IGFBP7: variants seen among roughly 807,000 people sequenced by gnomAD.
IGFBP7 encodes insulin like growth factor binding protein 7.
A neutral mutation model predicts 29.4 loss-of-function variants in IGFBP7; 31 were observed. The observed-to-expected ratio is 1.05, with a 90% CI of 0.79 to 1.42. The LOEUF (loss-of-function observed/expected upper bound fraction) is 1.42, where lower values mean the gene tolerates loss of function less well. Ranked by LOEUF, IGFBP7 falls within the 40% of genes most tolerant of loss-of-function variation. IGFBP7 has a pLI of 0.00. For synonymous variants in IGFBP7, 172 were observed against 174.9 expected (o/e 0.98, Z 0.13); for missense variants, 393 against 395.5 (o/e 0.99, Z 0.05).
In IGFBP7 at chr4:57,090,680, T is replaced by C. The variant is rs1432107361; in HGVS notation, c.475+19197A>G. On this transcript the variant is annotated intron_variant, in intron 1 of 4. Transcript: ENST00000295666. ...GGTGAAACCCCGTCTCTACTAAAAA[T>C]ACCCATACACACACAAAAATAGCCA... is the stretch of plus-strand genomic sequence containing the variant. 1.1e-4 allele frequency among the ~76,000 whole-genome samples: 17 copies of C among 152,004 alleles called. 1 individual carries two copies. Among genetic ancestry groups the C allele is most frequent in the Admixed American group, 1.1e-3 (17 of 15,240 alleles).
chr4:57,100,614 T>C (rs1725874872), intron 1 of IGFBP7, among the ~76,000 whole-genome samples: 1 of 152,242 alleles, frequency 6.6e-6, no homozygotes, highest in African/African-American at 2.4e-5. Context: ...GACACAAATA[T>C]ATCATATAAC....
At chr4:57,050,828 G>A (rs1724487323) in intron 1 of IGFBP7, among the ~76,000 whole-genome samples, 1 of 152,012 alleles carries the variant, frequency 6.6e-6, no homozygotes, top group South Asian at 2.1e-4. Flanking sequence ...AAAGTGCTGG[G>A]GTTACAGGCA....
At chr4:57,094,705 C>T (rs1440097969) in intron 1 of IGFBP7, among the ~76,000 whole-genome samples, 6 of 152,186 alleles carry the variant, frequency 3.9e-5, no homozygotes, top group Non-Finnish European at 5.9e-5. Context: ...ATAAAGGAAG[C>T]GTCACCCACA....
chr4:57,103,339 G>A (rs1725942866), intron 1 of IGFBP7, among the ~76,000 whole-genome samples: 1 of 152,124 alleles, frequency 6.6e-6, no homozygotes, highest in African/African-American at 2.4e-5. Flanking sequence ...GCTCCTTAAG[G>A]GGTCACAGGC....
intron 1 of IGFBP7, among the ~76,000 whole-genome samples, chr4:57,092,442 C>T (rs1257525689): frequency 6.6e-6 from 1 of 152,088 alleles, no homozygotes; most frequent in Non-Finnish European, 1.5e-5. Flanking sequence ...TGGCTAGTAA[C>T]TGCAAATTTT....
chr4:57,046,511 T>A (rs755052121), intron 1 of IGFBP7, among the ~76,000 whole-genome samples: 10 of 152,138 alleles, frequency 6.6e-5, no homozygotes, highest in Non-Finnish European at 1.3e-4. Flanking sequence ...TCAAAATCAG[T>A]CCTCAAGGCC....
intron 1 of IGFBP7, among the ~76,000 whole-genome samples, chr4:57,073,873 G>C (rs770363974): frequency 9.2e-5 from 14 of 152,200 alleles, no homozygotes; most frequent in Non-Finnish European, 1.8e-4. Flanking sequence ...GGAGTTGATC[G>C]GGAGTGATCA....
chr4:57,062,512 G>A (rs1315679985), intron 1 of IGFBP7, among the ~76,000 whole-genome samples: 1 of 152,142 alleles, frequency 6.6e-6, no homozygotes, highest in Non-Finnish European at 1.5e-5. Flanking sequence ...ACCCCAAATA[G>A]GTGGGAATCA....
chr4:57,110,039 G>C lies in IGFBP7; in HGVS notation c.313C>G (p.Pro105Ala), dbSNP rs745792379. 1 of 1,558,900 alleles carries C rather than the reference G, an allele frequency of 6.4e-7. No homozygotes were observed. The highest frequency in any genetic ancestry group is 1.2e-5 in the South Asian group (1 of 85,644). ...KGKAGAAAGG[P>A]GVSGVCVCKS... ...CACACGCACACGCCGCTTACACCCG[G>C]ACCGCCGGCTGCTGCCCCGGCTTTA... is the stretch of plus-strand genomic sequence containing the variant. Residue 105 changes from proline to alanine, a missense_variant, in exon 1 of 5, where the codon CCG (proline) becomes GCG (alanine). Physicochemically the swap from Pro to Ala is conservative, Grantham distance 27. Transcript: ENST00000295666.
intron 1 of IGFBP7, among the ~76,000 whole-genome samples, chr4:57,068,685 T>C (rs1167748775): frequency 1.3e-5 from 2 of 152,210 alleles, no homozygotes; most frequent in East Asian, 3.9e-4. Flanking sequence ...ACTGTCACAG[T>C]GCATGTATAT....
At chr4:57,100,149 C>A (rs781131000) in intron 1 of IGFBP7, among the ~76,000 whole-genome samples, 2 of 143,720 alleles carry the variant, frequency 1.4e-5, no homozygotes. Flanking sequence ...TAGCCTCCTG[C>A]AGCCTTGATG....
At position 57,109,921 on chromosome 4, in the gene IGFBP7, C is replaced by A; in HGVS notation, c.431G>T (p.Gly144Val). The A allele has an allele frequency of 6.4e-7, 1 of 1,557,532 alleles. No homozygotes were observed. Among genetic ancestry groups the A allele is most frequent in the East Asian group, 2.3e-5 (1 of 42,662 alleles). Reference protein sequence around the residue: ...RAASQRAESRGEKAITQVSKG... With the variant: ...RAASQRAESRVEKAITQVSKG... ...GCTGACCTGGGTGATGGCCTTCTCC[C>A]CGCGGCTCTCGGCCCTCTGGCTGGC... Residue 144 changes from glycine to valine, a missense_variant, in exon 1 of 5, where the codon GGG becomes GTG. Transcript: ENST00000295666.
intron 1 of IGFBP7, among the ~76,000 whole-genome samples, chr4:57,080,058 C>T (rs1705319864): frequency 6.6e-6 from 1 of 152,140 alleles, no homozygotes; most frequent in Admixed American, 6.5e-5. Context: ...CCATCCTGAC[C>T]ACGATTCCCA....
intron 1 of IGFBP7, among the ~76,000 whole-genome samples, chr4:57,049,163 G>A (rs903109191): frequency 6.6e-6 from 1 of 151,556 alleles, no homozygotes; most frequent in Non-Finnish European, 1.5e-5. Context: ...GCTTATAAAG[G>A]TATCACCCTT....
intron 2 of IGFBP7, among the ~76,000 whole-genome samples, chr4:57,035,170 C>T (rs1035293476): frequency 6.6e-6 from 1 of 152,126 alleles, no homozygotes; most frequent in South Asian, 2.1e-4. Context: ...TCCCATAGCT[C>T]TTAGTAACAG....
chr4:57,096,930 A>G (rs1318197286), intron 1 of IGFBP7, among the ~76,000 whole-genome samples: 1 of 152,202 alleles, frequency 6.6e-6, no homozygotes, highest in Non-Finnish European at 1.5e-5. Flanking sequence ...TACAGCAATA[A>G]CTTTATTATT....
At chr4:57,032,725 T>A (rs924500424) in intron 3 of IGFBP7, among the ~76,000 whole-genome samples, 173 bp from the exon 4 acceptor site, 1 of 152,214 alleles carries the variant, frequency 6.6e-6, no homozygotes, top group African/African-American at 2.4e-5. Context: ...CTACCATATT[T>A]GGTTTGCTGA....
intron 1 of IGFBP7, among the ~76,000 whole-genome samples, chr4:57,054,007 A>C (rs946876340): frequency 2.0e-5 from 3 of 152,000 alleles, no homozygotes; most frequent in Non-Finnish European, 4.4e-5. Flanking sequence ...TTCCCTAGGA[A>C]ATTTCTCCTT....
chr4:57,100,038 G>GC (rs1205733144), intron 1 of IGFBP7, among the ~76,000 whole-genome samples: 5 of 149,084 alleles, frequency 3.4e-5, no homozygotes, highest in African/African-American at 1.2e-4. Flanking sequence ...GCCCTGCCAG[G>GC]CTCTACGTTT....
Sources: allele counts gnomAD v4.1 joint callset (sites outside exome capture counted in the v4.1 genomes callset), GRCh38; gene constraint gnomAD v4.1.1; transcripts MANE v1.5; gene names NCBI Gene and HGNC (gene_info 2026-07-23, HGNC 2026-07-21).